Variants in ZSWIM6 observed in about 807,000 individuals in gnomAD.
The protein encoded by ZSWIM6 is zinc finger SWIM domain-containing protein 6.
A neutral mutation model predicts 113.2 loss-of-function variants in ZSWIM6; 9 were observed. The ratio of observed to expected loss-of-function variants is 0.08; its 90% confidence interval spans 0.05 to 0.14. The LOEUF is 0.14. Ranked by LOEUF, ZSWIM6 falls within the 10% of genes least tolerant of loss-of-function variation. The probability of loss-of-function intolerance (pLI) is 1.00; values close to 1 mark genes in which losing one functional copy is unlikely to be tolerated. For missense variants in ZSWIM6, 1,162 were observed against 1,552.2 expected (o/e 0.75, Z 4.22); for synonymous variants, 611 against 606.5 (o/e 1.01, Z -0.11).
At chr5:61,535,722 A>T (rs554101184) in intron 10 of ZSWIM6, 103 bp downstream of exon 10, 161 of 1,386,532 alleles carry the variant, frequency 1.2e-4, no homozygotes, top group Middle Eastern at 8.5e-4. Flanking sequence ...GGCAGCAGAA[A>T]AGCTAAAGAA....
chr5:61,457,891 GTTATT>G (rs1561245556), intron 1 of ZSWIM6, among the ~76,000 whole-genome samples: 1 of 152,070 alleles, frequency 6.6e-6, no homozygotes, highest in Non-Finnish European at 1.5e-5. Flanking sequence ...TAATCTGTAT[GTTATT>G]TTAGTTTTAT....
chr5:61,466,837 A>G (rs1468671646), intron 1 of ZSWIM6, among the ~76,000 whole-genome samples: 1 of 152,172 alleles, frequency 6.6e-6, no homozygotes, highest in Non-Finnish European at 1.5e-5. Context: ...TGCAACTAAA[A>G]TTTAACCTAA....
At chr5:61,444,864 C>T (rs1384867856) in intron 1 of ZSWIM6, among the ~76,000 whole-genome samples, 1 of 152,102 alleles carries the variant, frequency 6.6e-6, no homozygotes, top group Non-Finnish European at 1.5e-5. Context: ...GTGTACTTCT[C>T]CCAGGTTTGA....
intron 1 of ZSWIM6, among the ~76,000 whole-genome samples, chr5:61,380,062 C>T (rs1327755372): frequency 2.6e-5 from 4 of 151,976 alleles, no homozygotes; most frequent in African/African-American, 7.2e-5. Flanking sequence ...ATTACTCTGT[C>T]TTCATACTAG....
intron 1 of ZSWIM6, among the ~76,000 whole-genome samples, chr5:61,407,136 A>C (rs530319752): frequency 3.4e-4 from 52 of 152,364 alleles, no homozygotes; most frequent in Non-Finnish European, 5.0e-4. Context: ...ACTTTATACC[A>C]GATTTTAAAA....
intron 1 of ZSWIM6, among the ~76,000 whole-genome samples, chr5:61,341,618 G>A (rs200271657): frequency 1.3e-5 from 2 of 151,448 alleles, no homozygotes; most frequent in Admixed American, 1.3e-4. Flanking sequence ...ATATAATAAA[G>A]AATTTGCTGA....
chr5:61,479,927 T>A (rs1019722502), intron 2 of ZSWIM6, among the ~76,000 whole-genome samples: 1 of 151,884 alleles, frequency 6.6e-6, no homozygotes, highest in South Asian at 2.1e-4. Context: ...TTTTTTTTTT[T>A]AAGTCTTTTA....
intron 1 of ZSWIM6, among the ~76,000 whole-genome samples, chr5:61,364,873 G>A (rs1041210119): frequency 6.6e-6 from 1 of 152,080 alleles, no homozygotes; most frequent in Non-Finnish European, 1.5e-5. Context: ...AATTTGGGGG[G>A]ACAAAAACAT....
intron 1 of ZSWIM6, among the ~76,000 whole-genome samples, chr5:61,407,799 C>T (rs1011084977): frequency 2.6e-5 from 4 of 152,122 alleles, no homozygotes; most frequent in African/African-American, 9.7e-5. Flanking sequence ...TTTCACAGAT[C>T]TGTTTTCTAA....
intron 1 of ZSWIM6, chr5:61,375,114 G>A: frequency 6.2e-7 from 1 of 1,608,684 alleles, no homozygotes; most frequent in South Asian, 1.1e-5. Context: ...CCAGCACCAT[G>A]GGGAAGCGGG....
chr5:61,346,427 C>T (rs549504968), intron 1 of ZSWIM6, among the ~76,000 whole-genome samples: 98 of 152,222 alleles, frequency 6.4e-4, no homozygotes, highest in African/African-American at 2.3e-3. Context: ...CAAAAGTGGC[C>T]TGGAGATAGA....
chr5:61,387,176 A>G (rs920367005), intron 1 of ZSWIM6, among the ~76,000 whole-genome samples: 12 of 152,220 alleles, frequency 7.9e-5, no homozygotes, highest in Non-Finnish European at 1.6e-4. Context: ...CCCAGTCAGC[A>G]AATGGATAAT....
At chr5:61,442,428 T>C (rs943529504) in intron 1 of ZSWIM6, among the ~76,000 whole-genome samples, 1 of 152,158 alleles carries the variant, frequency 6.6e-6, no homozygotes, top group Non-Finnish European at 1.5e-5. Flanking sequence ...TTTGGGCAGC[T>C]CCATACCATG....
At chr5:61,352,084 C>T (rs1469558127) in intron 1 of ZSWIM6, among the ~76,000 whole-genome samples, 1 of 152,220 alleles carries the variant, frequency 6.6e-6, no homozygotes, top group Non-Finnish European at 1.5e-5. Flanking sequence ...CAGCCACCTT[C>T]TGCACAATGT....
At position 61,494,109 on chromosome 5, in the gene ZSWIM6, C is replaced by A. The variant is rs529674465; in HGVS notation, c.1183-151C>A. ...CTGGTGTGAAGGCTTGACATCTCCC[C>A]GCCTATCCTCCACCACACACACACA... On this transcript the variant is annotated intron_variant, in intron 3 of 13. Transcript: ENST00000252744. The A allele has an allele frequency of 7.2e-6, 6 of 837,640 alleles. No individual in the cohort carries two copies. In the East Asian group the frequency reaches 1.7e-4, roughly 23 times the overall value. The allele number at this position is 837,640 out of a possible 1,614,324, so 51.9% of individuals were successfully genotyped here.
chr5:61,466,292 G>A (rs1159557378), intron 1 of ZSWIM6, among the ~76,000 whole-genome samples: 2 of 152,116 alleles, frequency 1.3e-5, no homozygotes, highest in African/African-American at 2.4e-5. Flanking sequence ...CTAATGCAGT[G>A]GGTTTAGTTA....
chr5:61,395,243 CT>C (rs1409147962), intron 1 of ZSWIM6, among the ~76,000 whole-genome samples: 1 of 152,054 alleles, frequency 6.6e-6, no homozygotes, highest in Non-Finnish European at 1.5e-5. Flanking sequence ...GCTAAGACAA[CT>C]TATCTAGGTG....
Position 61,490,766 on chromosome 5 carries a change from A to AT in ZSWIM6, c.1034-15dup, listed in dbSNP as rs1248167998. 1 of 1,542,890 alleles carries AT rather than the reference A, an allele frequency of 6.5e-7. No individual in the cohort carries two copies. The highest frequency in any genetic ancestry group is 2.5e-5 in the East Asian group (1 of 40,248). ...GTTTTTATCTAGCCTGTGTGTTATT[A>AT]TTTTTCTTTCTATTTCTAGGTGCTC... is the stretch of plus-strand genomic sequence containing the variant. On this transcript the variant is annotated intron_variant, in intron 2 of 13. Transcript: ENST00000252744.
rs191200024 is a variant in ZSWIM6 at position 61,476,703 on chromosome 5, A to G, written c.1033+3666A>G. On this transcript the variant is annotated intron_variant, in intron 2 of 13. Transcript: ENST00000252744. ...GCTAAGTACTTTTCTAGAGTCTTATAGATTTCCAAGTACTAACCCCACCCT... is the reference window on the plus strand; with the variant it reads ...GCTAAGTACTTTTCTAGAGTCTTATGGATTTCCAAGTACTAACCCCACCCT... Among the ~76,000 whole-genome samples the G allele has an allele frequency of 4.5e-4, 69 of 152,316 alleles. 2 individuals are homozygous for G. Among genetic ancestry groups the G allele is most frequent in the Admixed American group, 1.2e-3 (19 of 15,292 alleles).
Sources: gnomAD v4.1 joint callset for allele counts (sites outside exome capture counted in the v4.1 genomes callset) on GRCh38, gnomAD v4.1.1 for gene constraint, MANE v1.5 for transcripts, NCBI Gene and HGNC (gene_info 2026-07-23, HGNC 2026-07-21) for gene names.